RBPMS: variants seen among roughly 807,000 people sequenced by gnomAD.
RBPMS encodes the protein RNA binding protein, mRNA processing factor.
Under a neutral mutation model 26.8 loss-of-function variants are expected in RBPMS, and 7 were observed. The observed-to-expected ratio is 0.26, with a 90% CI of 0.15 to 0.49. The LOEUF is 0.49. Among genes scored for constraint, RBPMS ranks in the 20% least tolerant of loss-of-function variants. The pLI, the probability that RBPMS is intolerant of heterozygous loss-of-function variation, is 0.98. For missense variants in RBPMS, 186 were observed against 250.0 expected (o/e 0.74, Z 1.73); for synonymous variants, 96 against 93.3 (o/e 1.03, Z -0.17).
At chr8:30,468,007 G>T (rs111497560) in intron 1 of RBPMS, among the ~76,000 whole-genome samples, 1 of 150,822 alleles carries the variant, frequency 6.6e-6, no homozygotes, top group Non-Finnish European at 1.5e-5. Context: ...CCTTGAGCAT[G>T]TACTAACTTA....
At chr8:30,389,967 G>T (rs1274486750) in intron 1 of RBPMS, among the ~76,000 whole-genome samples, 1 of 152,170 alleles carries the variant, frequency 6.6e-6, no homozygotes, top group Non-Finnish European at 1.5e-5. Context: ...AGTGGCTCCA[G>T]ACATTCTGAA....
chr8:30,516,929 C>CACACACACA (rs1479410621), intron 5 of RBPMS, among the ~76,000 whole-genome samples: 1 of 151,882 alleles, frequency 6.6e-6, no homozygotes, highest in Admixed American at 6.6e-5. Context: ...CACAGACACA[C>CACACACACA]ATGAGTTTTC....
At chr8:30,474,018 A>G (rs986958058) in intron 1 of RBPMS, among the ~76,000 whole-genome samples, 2 of 152,184 alleles carry the variant, frequency 1.3e-5, no homozygotes, top group Admixed American at 1.3e-4. Context: ...TGATCTGTGC[A>G]GCAAACCACC....
intron 1 of RBPMS, among the ~76,000 whole-genome samples, chr8:30,427,390 A>C (rs1340598369): frequency 2.0e-5 from 3 of 152,138 alleles, no homozygotes; most frequent in Non-Finnish European, 4.4e-5. Flanking sequence ...GTCTCTCCCT[A>C]CTGCCACACT....
intron 6 of RBPMS, chr8:30,544,854 C>G: frequency 6.6e-7 from 1 of 1,518,336 alleles, no homozygotes; most frequent in Admixed American, 2.0e-5. Context: ...ACACCTCTCT[C>G]TTCCTTAATG....
At chr8:30,567,305 A>G (rs1827964059) in intron 8 of RBPMS, among the ~76,000 whole-genome samples, 1 of 152,216 alleles carries the variant, frequency 6.6e-6, no homozygotes, top group South Asian at 2.1e-4. Context: ...AGGAGCAGGC[A>G]TCAGGTGTGT....
chr8:30,451,317 A>T (rs1442571512), intron 1 of RBPMS, among the ~76,000 whole-genome samples: 1 of 152,208 alleles, frequency 6.6e-6, no homozygotes, highest in African/African-American at 2.4e-5. Flanking sequence ...AATAAACTTC[A>T]TGTGTAAAAT....
intron 5 of RBPMS, among the ~76,000 whole-genome samples, chr8:30,507,064 C>A (rs148953562): frequency 1.2e-4 from 18 of 152,070 alleles, no homozygotes; most frequent in African/African-American, 4.1e-4. Context: ...ATCAGACTGC[C>A]GTATTTGCTG....
intron 1 of RBPMS, among the ~76,000 whole-genome samples, chr8:30,463,806 T>C (rs1436937455): frequency 6.6e-6 from 1 of 152,242 alleles, no homozygotes; most frequent in Non-Finnish European, 1.5e-5. Flanking sequence ...TCCATGTGTT[T>C]TTGGTTGTTC....
chr8:30,420,628 C>CATG (rs1810659080), intron 1 of RBPMS, among the ~76,000 whole-genome samples: 1 of 152,194 alleles, frequency 6.6e-6, no homozygotes, highest in African/African-American at 2.4e-5. Flanking sequence ...GCATGTGATT[C>CATG]TAACTTTCAG....
At chr8:30,563,605 T>G (rs1439393418) in intron 7 of RBPMS, among the ~76,000 whole-genome samples, 1 of 152,192 alleles carries the variant, frequency 6.6e-6, no homozygotes, top group Non-Finnish European at 1.5e-5. Flanking sequence ...CTCCCCAGAT[T>G]GGAGAAGGAA....
At chr8:30,419,974 C>T (rs140342871) in intron 1 of RBPMS, among the ~76,000 whole-genome samples, 71 of 152,148 alleles carry the variant, frequency 4.7e-4, no homozygotes, top group African/African-American at 1.6e-3. Context: ...TGTGTAATCC[C>T]AGCACTTTGA....
At chr8:30,549,740 TTC>T (rs1491039323) in intron 6 of RBPMS, among the ~76,000 whole-genome samples, 3 of 89,210 alleles carry the variant, frequency 3.4e-5, no homozygotes, top group Non-Finnish European at 4.8e-5. Flanking sequence ...CTTTCTTTCT[TTC>T]TTTCTTTCCT....
intron 5 of RBPMS, among the ~76,000 whole-genome samples, chr8:30,539,329 C>A (rs945968918): frequency 6.6e-6 from 1 of 152,112 alleles, no homozygotes; most frequent in African/African-American, 2.4e-5. Flanking sequence ...CTTGTCATCA[C>A]CAGCAGCAGT....
At chr8:30,465,523 A>T (rs1263808812) in intron 1 of RBPMS, among the ~76,000 whole-genome samples, 2 of 152,240 alleles carry the variant, frequency 1.3e-5, no homozygotes, top group Non-Finnish European at 2.9e-5. Context: ...ACAGTGGCTC[A>T]CGCCTGTAAT....
chr8:30,536,512 C>T (rs182797041), intron 5 of RBPMS, among the ~76,000 whole-genome samples: 151 of 152,332 alleles, frequency 9.9e-4, no homozygotes, highest in African/African-American at 3.4e-3. Context: ...CCTCCCCTTG[C>T]TGTCATAACC....
intron 1 of RBPMS, 38 bp downstream of exon 1, chr8:30,385,196 G>A: frequency 1.4e-6 from 2 of 1,412,138 alleles, no homozygotes; most frequent in Non-Finnish European, 1.9e-6. Context: ...GGGCGACGCG[G>A]GACCCAGTGC....
intron 1 of RBPMS, among the ~76,000 whole-genome samples, chr8:30,452,694 T>G (rs1009818593): frequency 6.6e-6 from 1 of 152,138 alleles, no homozygotes; most frequent in African/African-American, 2.4e-5. Flanking sequence ...TCCTGCCAAT[T>G]GCTGAGTTGC....
chr8:30,408,710 C>G (rs939051852), intron 1 of RBPMS, among the ~76,000 whole-genome samples: 2 of 152,122 alleles, frequency 1.3e-5, no homozygotes, highest in African/African-American at 4.8e-5. Flanking sequence ...AAATAACTCT[C>G]TCACCTCTTA....
Sources: allele counts gnomAD v4.1 joint callset (sites outside exome capture counted in the v4.1 genomes callset), GRCh38; gene constraint gnomAD v4.1.1; transcripts MANE v1.5; gene names NCBI Gene and HGNC (gene_info 2026-07-23, HGNC 2026-07-21).